CACNA1D: variants seen among roughly 807,000 people sequenced by gnomAD.
The protein encoded by CACNA1D is voltage-dependent L-type calcium channel subunit alpha-1D.
In CACNA1D, 55 loss-of-function variants were observed where a neutral mutation model predicts 257.1. That is an observed-to-expected ratio of 0.21 (90% confidence interval 0.17 to 0.27). The LOEUF is 0.27. CACNA1D is among the 10% of genes least tolerant of loss of function. CACNA1D has a pLI of 1.00. For synonymous variants in CACNA1D, 980 were observed against 1,014.9 expected (o/e 0.97, Z 0.65); for missense variants, 1,876 against 2,784.0 (o/e 0.67, Z 7.34).
chr3:53,679,095 C>T (rs1194663755), intron 8 of CACNA1D: 1 of 150,412 alleles, frequency 6.6e-6, no homozygotes, highest in East Asian at 2.0e-4. Context: ...GGCAGTGAAA[C>T]CCTGTCTCTA....
Position 53,723,652 on chromosome 3 carries a change from G to A in CACNA1D, c.1885G>A (p.Val629Met). 1 of 1,613,926 alleles carries A rather than the reference G, an allele frequency of 6.2e-7. No homozygotes were observed. The highest frequency in any genetic ancestry group is 8.5e-7 in the Non-Finnish European group (1 of 1,179,876). ...TGTGCGCCTCTTAAGAATCTTCAAAGTGACCAGGTAAGGAAATGTGGGTCC... is the reference window on the plus strand; with the variant it reads ...TGTGCGCCTCTTAAGAATCTTCAAAATGACCAGGTAAGGAAATGTGGGTCC... ...RCVRLLRIFK[V>M]TRHWTSLSNL... The change falls in exon 13 of 48, where the codon GTG becomes ATG. Residue 629 changes from valine (V) to methionine (M), a missense_variant. By Grantham distance (21) the Val-to-Met change is conservative. This residue lies in a region of CACNA1D where 257 missense variants were observed against 399.7 expected (regional missense o/e 0.64). Transcript: ENST00000350061. The surrounding 1 kb of genome is among the most constrained non-coding windows in gnomAD (Gnocchi z 5.6).
chr3:53,638,445 G>A (rs1481204518), intron 3 of CACNA1D, among the ~76,000 whole-genome samples: 2 of 152,196 alleles, frequency 1.3e-5, no homozygotes, highest in African/African-American at 4.8e-5. Context: ...GCACCATGCT[G>A]TTCCTGGGTG....
At chr3:53,617,898 A>C (rs1317404074) in intron 3 of CACNA1D, among the ~76,000 whole-genome samples, 1 of 152,174 alleles carries the variant, frequency 6.6e-6, no homozygotes, top group African/African-American at 2.4e-5. Context: ...AAGCCCTGTA[A>C]GGAGAGTCAC....
chr3:53,741,207 G>A (rs537262414), intron 21 of CACNA1D, among the ~76,000 whole-genome samples: 2 of 152,340 alleles, frequency 1.3e-5, no homozygotes, highest in Admixed American at 6.5e-5. Flanking sequence ...ACCACAGGGC[G>A]TGGGTCATTG....
intron 26 of CACNA1D, 27 bp from the exon 27 acceptor site, chr3:53,749,241 G>T (rs2095202903): frequency 1.3e-6 from 2 of 1,568,244 alleles, no homozygotes; most frequent in Non-Finnish European, 1.8e-6. Flanking sequence ...GGCTTGGCAG[G>T]TCCTCACTTG....
intron 3 of CACNA1D, among the ~76,000 whole-genome samples, chr3:53,615,560 G>A (rs1559920115): frequency 6.6e-6 from 1 of 152,160 alleles, no homozygotes; most frequent in African/African-American, 2.4e-5. Flanking sequence ...CTCCCTTGGG[G>A]ACCAAGATCT....
chr3:53,572,174 C>A (rs2092956061), intron 3 of CACNA1D, among the ~76,000 whole-genome samples: 1 of 152,144 alleles, frequency 6.6e-6, no homozygotes, highest in African/African-American at 2.4e-5. Context: ...TCAAGCTTGC[C>A]ATGTGCAAAA....
chr3:53,786,312 T>G (rs2109104991), intron 39 of CACNA1D: 1 of 162,152 alleles, frequency 6.2e-6, no homozygotes, highest in Non-Finnish European at 1.4e-5. Flanking sequence ...AATCTGAATT[T>G]GCAGTCACTT....
In CACNA1D at chr3:53,776,064, TC is replaced by T; in HGVS notation, c.4362+24del. On this transcript the variant is annotated intron_variant, in intron 35 of 47. Coordinates refer to ENST00000350061, the MANE Select transcript of CACNA1D (RefSeq NM_001128840.3). ...ATTTCTGGTAAGTGAGCAACACAGC[TC>T]CCCCTCTCAATTTACAGATGCTTAT... 1 of 1,608,744 alleles carries T rather than the reference TC, an allele frequency of 6.2e-7. No homozygotes were observed.
intron 3 of CACNA1D, among the ~76,000 whole-genome samples, chr3:53,579,030 G>A (rs2093086549): frequency 6.6e-6 from 1 of 152,172 alleles, no homozygotes; most frequent in Non-Finnish European, 1.5e-5. Flanking sequence ...CTGTGGCCAG[G>A]CCCGAGCAGC....
intron 7 of CACNA1D, among the ~76,000 whole-genome samples, chr3:53,669,710 G>T (rs965540326): frequency 2.0e-5 from 3 of 152,184 alleles, no homozygotes; most frequent in Non-Finnish European, 4.4e-5. Flanking sequence ...GTGGGAAGTG[G>T]GATCATTAAG....
chr3:53,623,821 C>G (rs946356535), intron 3 of CACNA1D, among the ~76,000 whole-genome samples: 5 of 152,154 alleles, frequency 3.3e-5, no homozygotes, highest in Admixed American at 3.3e-4. Context: ...GAAGGTGTTT[C>G]CCTCAATGCT....
In CACNA1D at chr3:53,620,060, G is replaced by A. The variant is rs182472176; in HGVS notation, c.484-30719G>A. Among the ~76,000 whole-genome samples the A allele has an allele frequency of 1.6e-3, 248 of 152,266 alleles. 1 individual carries two copies. Among genetic ancestry groups the A allele is most frequent in the African/African-American group, 5.7e-3 (237 of 41,552 alleles). On this transcript the variant is annotated intron_variant, in intron 3 of 47. Transcript: ENST00000350061. ...GAAAAATTAAATAGCAATGTAAGTAGGACACACTAAAATAATACACTAAGT... is the reference window on the plus strand; with the variant it reads ...GAAAAATTAAATAGCAATGTAAGTAAGACACACTAAAATAATACACTAAGT...
At chr3:53,802,104 TTTATC>T (rs1311708487) in intron 42 of CACNA1D, 38 bp from the exon 43 acceptor site, 4 of 1,549,048 alleles carry the variant, frequency 2.6e-6, no homozygotes, top group African/African-American at 2.7e-5. Context: ...GAAATTAACT[TTTATC>T]TTCTCCCTCC....
intron 8 of CACNA1D, among the ~76,000 whole-genome samples, chr3:53,699,557 T>A (rs2108572466): frequency 6.6e-6 from 1 of 151,990 alleles, no homozygotes; most frequent in East Asian, 1.9e-4. Flanking sequence ...GAGCCCAGAG[T>A]GGTGTAGGAG....
intron 3 of CACNA1D, among the ~76,000 whole-genome samples, chr3:53,530,853 CT>C (rs796208502): frequency 2.5e-4 from 36 of 146,760 alleles, no homozygotes; most frequent in East Asian, 1.6e-3. Flanking sequence ...TCCTCCTTTT[CT>C]TTTTTTTTTT....
At chr3:53,638,353 T>G (rs927716479) in intron 3 of CACNA1D, among the ~76,000 whole-genome samples, 1 of 152,178 alleles carries the variant, frequency 6.6e-6, no homozygotes, top group African/African-American at 2.4e-5. Flanking sequence ...CGGGAAGAAT[T>G]GTGCACCTCC....
chr3:53,674,901 A>C (rs990216979), intron 8 of CACNA1D, among the ~76,000 whole-genome samples: 3 of 151,120 alleles, frequency 2.0e-5, no homozygotes, highest in African/African-American at 7.3e-5. Flanking sequence ...TCTCCTCCTC[A>C]CTCACTTTAT....
intron 39 of CACNA1D, among the ~76,000 whole-genome samples, chr3:53,784,676 C>G (rs2109094056): frequency 6.6e-6 from 1 of 152,274 alleles, no homozygotes; most frequent in African/African-American, 2.4e-5. Flanking sequence ...ACAGAGAAGA[C>G]ACAGAGCCCT....
Sources: allele counts gnomAD v4.1 joint callset (sites outside exome capture counted in the v4.1 genomes callset), GRCh38; gene constraint gnomAD v4.1.1; regional missense constraint gnomAD v4.1.1; non-coding constraint Gnocchi (gnomAD v3.1); transcripts MANE v1.5; gene names NCBI Gene and HGNC (gene_info 2026-07-23, HGNC 2026-07-21).